Variants in NDST1 observed in about 807,000 individuals in gnomAD.
The protein encoded by NDST1 is N-deacetylase and N-sulfotransferase 1, also known as bifunctional heparan sulfate N-deacetylase/N-sulfotransferase 1.
Under a neutral mutation model 92.8 loss-of-function variants are expected in NDST1, and 35 were observed. The observed-to-expected ratio is 0.38, with a 90% CI of 0.29 to 0.50. NDST1 has a LOEUF of 0.50. NDST1 is among the 20% of genes least tolerant of loss of function. The pLI is 0.94. For missense variants in NDST1, 822 were observed against 1,182.7 expected, an observed-to-expected ratio of 0.69 and a Z score of 4.47; for synonymous variants, 493 against 500.3, an observed-to-expected ratio of 0.99 and a Z score of 0.19.
rs1755815977 is a variant in NDST1 at position 150,553,892 on chromosome 5, A to C, written c.*560A>C. 2.3e-6 allele frequency: 1 copy of C among 426,440 alleles called. No individual in the cohort carries two copies. Among genetic ancestry groups the C allele is most frequent in the East Asian group, 3.3e-5 (1 of 30,302 alleles). The allele number at this position is 426,440 out of a possible 1,614,324, so 26.4% of individuals were successfully genotyped here. ...CTCCCAGCCTCCACATCTGGTTCCT[A>C]CCTTCACATCTCACCCTCCCGTTCT... is the stretch of plus-strand genomic sequence containing the variant. On this transcript the variant is annotated 3_prime_UTR_variant, in exon 15 of 15. Coordinates refer to ENST00000261797, the MANE Select transcript of NDST1 (RefSeq NM_001543.5). This position sits in a 1 kb window ranked among gnomAD's most constrained non-coding sequence, Gnocchi z 4.2.
Position 150,520,439 on chromosome 5 carries a change from G to A in NDST1, c.-387-429G>A, listed in dbSNP as rs138485071. On this transcript the variant is annotated intron_variant, in intron 1 of 14. Transcript: ENST00000261797. ...GAAGGGAATGGAATATGGTGAGGATGTGGTATTCAGTCGTGATTTAGAATT... is the reference window on the plus strand; with the variant it reads ...GAAGGGAATGGAATATGGTGAGGATATGGTATTCAGTCGTGATTTAGAATT... Among the ~76,000 whole-genome samples the A allele has an allele frequency of 5.4e-3, 826 of 152,282 alleles. 10 individuals are homozygous for A. Among genetic ancestry groups the A allele is most frequent in the African/African-American group, 0.019 (774 of 41,540 alleles).
rs1000698149 is a variant in NDST1 at position 150,535,449 on chromosome 5, A to G, written c.1252-251A>G. On this transcript the variant is annotated intron_variant, in intron 5 of 14. Transcript: ENST00000261797. ...ACAGGGTACTTGAGTCCTTTGTGCT[A>G]GAGGCATGTGCACCGGACCAAGAGT... The G allele has an allele frequency of 7.4e-6, 7 of 948,040 alleles. No homozygotes were observed. The African/African-American group carries it at 1.2e-4, about 17-fold the overall frequency. The allele number at this position is 948,040 out of a possible 1,614,324, so 58.7% of individuals were successfully genotyped here.
rs1755744000 is a variant in NDST1, at chr5:150,551,959, A to G, written c.2529+104A>G. The G allele has an allele frequency of 2.0e-6, 3 of 1,523,366 alleles. No homozygotes were observed. In the African/African-American group the frequency reaches 4.1e-5, roughly 21 times the overall value. 94.4% of individuals were successfully genotyped at this position (1,523,366 alleles called of 1,614,324 possible). On this transcript the variant is annotated intron_variant, in intron 14 of 14. Transcript: ENST00000261797. ...CCTTTACCATGCACTCAGCATGTTCATGGCCTTAGCATTTCTTGGACAGTA... is the reference window on the plus strand; with the variant it reads ...CCTTTACCATGCACTCAGCATGTTCGTGGCCTTAGCATTTCTTGGACAGTA...
intron 1 of NDST1, among the ~76,000 whole-genome samples, chr5:150,514,137 T>C (rs1381181351): frequency 6.6e-6 from 1 of 152,204 alleles, no homozygotes; most frequent in African/African-American, 2.4e-5. Flanking sequence ...CTCCCACCCA[T>C]GGGTTCTGGG....
intron 6 of NDST1, 70 bp from the exon 7 acceptor site, chr5:150,539,157 CT>C: frequency 7.6e-7 from 1 of 1,307,606 alleles, no homozygotes; most frequent in Non-Finnish European, 1.1e-6. Context: ...CCTTCTTCCT[CT>C]GAGGAAGAGT....
chr5:150,515,154 T>C (rs1279919423), intron 1 of NDST1, among the ~76,000 whole-genome samples: 1 of 152,104 alleles, frequency 6.6e-6, no homozygotes, highest in Non-Finnish European at 1.5e-5. Flanking sequence ...AGGAAAGAGG[T>C]TGGCTGTGAG....
In NDST1 at chr5:150,542,839, TC is replaced by T. The variant is rs1332867332; in HGVS notation, c.1847-5del. On this transcript the variant is annotated splice_polypyrimidine_tract_variant and splice_region_variant and intron_variant, in intron 9 of 14. Coordinates refer to ENST00000261797, the MANE Select transcript of NDST1 (RefSeq NM_001543.5). ...GGCCCTGGGTCTCAGGTGTCTACCC[TC>T]CCCACAGGCACCACTGCCCTCTACC... 1 of 1,613,982 alleles carries T rather than the reference TC, an allele frequency of 6.2e-7. No individual in the cohort carries two copies. Among genetic ancestry groups the T allele is most frequent in the Non-Finnish European group, 8.5e-7 (1 of 1,179,902 alleles).
intron 1 of NDST1, among the ~76,000 whole-genome samples, chr5:150,516,702 A>G (rs548833431): frequency 1.2e-4 from 18 of 152,162 alleles, no homozygotes; most frequent in Middle Eastern, 6.8e-3. Flanking sequence ...GTCTCGCTCT[A>G]TTGCCCAGGC....
intron 5 of NDST1, 115 bp downstream of exon 5, chr5:150,535,136 C>T (rs1581390033): frequency 6.8e-7 from 1 of 1,464,242 alleles, no homozygotes; most frequent in Non-Finnish European, 9.3e-7. Context: ...TTACTAACAC[C>T]TCTGGGCCAG....
Position 150,532,829 on chromosome 5 carries a change from A to G in NDST1, c.1009-116A>G, listed in dbSNP as rs1045381270. On this transcript the variant is annotated intron_variant, in intron 3 of 14. Coordinates refer to ENST00000261797, the MANE Select transcript of NDST1 (RefSeq NM_001543.5). ...GGCATGAGCCACCACGCCGTCCTTG[A>G]CATTCTTTATAATTTTTGAACAAGG... 6 of 990,742 alleles carry G rather than the reference A, an allele frequency of 6.1e-6. No homozygotes were observed. The African/African-American group carries it at 9.5e-5, about 16-fold the overall frequency. The allele number at this position is 990,742 out of a possible 1,614,324, so 61.4% of individuals were successfully genotyped here.
At chr5:150,509,894 C>T (rs1188710822) in intron 1 of NDST1, among the ~76,000 whole-genome samples, 1 of 152,216 alleles carries the variant, frequency 6.6e-6, no homozygotes, top group African/African-American at 2.4e-5. Context: ...TTCCATGGTG[C>T]ACCTCTCTGC....
chr5:150,500,419 T>C (rs1318902348), intron 1 of NDST1, among the ~76,000 whole-genome samples: 1 of 152,240 alleles, frequency 6.6e-6, no homozygotes, highest in East Asian at 1.9e-4. Context: ...TGGGCTACTC[T>C]TTTGCCCCCT....
intron 2 of NDST1, among the ~76,000 whole-genome samples, chr5:150,526,530 C>A (rs1376523728): frequency 6.6e-6 from 1 of 152,156 alleles, no homozygotes; most frequent in Non-Finnish European, 1.5e-5. Context: ...TGTGTTCCTG[C>A]TGGGTATCAA....
At chr5:150,502,135 C>T (rs565396956) in intron 1 of NDST1, among the ~76,000 whole-genome samples, 4 of 151,894 alleles carry the variant, frequency 2.6e-5, no homozygotes, top group Middle Eastern at 3.2e-3. Flanking sequence ...CTGGCGGGCC[C>T]GATGTGAGGA....
At chr5:150,506,451 C>CA (rs1426376458), upstream of NDST1, among the ~76,000 whole-genome samples, 1 of 152,158 alleles carries the variant, frequency 6.6e-6, no homozygotes, top group Non-Finnish European at 1.5e-5. Context: ...TCGCGGGCCT[C>CA]ACCTGAGCCT....
rs1379653122 is a variant in NDST1 at position 150,554,381 on chromosome 5, AT to A, written c.*1057del. The A allele has an allele frequency of 1.2e-3, 172 of 139,582 alleles. No individual in the cohort carries two copies. The highest frequency in any genetic ancestry group is 4.6e-3 in the African/African-American group (158 of 34,702). 8.6% of individuals were successfully genotyped at this position (139,582 alleles called of 1,614,324 possible). On this transcript the variant is annotated 3_prime_UTR_variant, in exon 15 of 15. Transcript: ENST00000261797. ...TATAATGTGTATATATATATATTCT[AT>A]TTTTTTTGGTTGGGTTCGTTTTTAA...
chr5:150,515,489 A>G (rs891825967), intron 1 of NDST1, among the ~76,000 whole-genome samples: 1 of 152,162 alleles, frequency 6.6e-6, no homozygotes, highest in Non-Finnish European at 1.5e-5. Context: ...AATGAGACTT[A>G]GGAGTGGGAG....
In NDST1 at chr5:150,521,774, A is replaced by G. The variant is rs370860488; in HGVS notation, c.513+7A>G. On this transcript the variant is annotated splice_region_variant and intron_variant, in intron 2 of 14. Transcript: ENST00000261797. This position sits in a 1 kb window ranked among gnomAD's most constrained non-coding sequence, Gnocchi z 5.9. ...CATCATTGGCTTCTTCAAGGTACAC[A>G]AGAAGCAGGGTCCCCGAGCAGTTCA... 6 of 1,612,530 alleles carry G rather than the reference A, an allele frequency of 3.7e-6. No individual in the cohort carries two copies. In the African/African-American group the frequency reaches 4.0e-5, roughly 11 times the overall value.
At chr5:150,543,025 C>A in intron 10 of NDST1, 54 bp downstream of exon 10, 1 of 1,611,124 alleles carries the variant, frequency 6.2e-7, no homozygotes, top group South Asian at 1.1e-5. Context: ...TGGGGCCTCC[C>A]AGGAGTCTGC....
Sources: allele counts gnomAD v4.1 joint callset (sites outside exome capture counted in the v4.1 genomes callset), GRCh38; gene constraint gnomAD v4.1.1; non-coding constraint Gnocchi (gnomAD v3.1); transcripts MANE v1.5; gene names NCBI Gene and HGNC (gene_info 2026-07-23, HGNC 2026-07-21).